DNAH9: variants seen among roughly 807,000 people sequenced by gnomAD.
The protein encoded by DNAH9 is DNAH9 variant protein.
DNAH9 carries 345 observed loss-of-function variants against 471.6 expected under a neutral mutation model. That is an observed-to-expected ratio of 0.73 (90% confidence interval 0.67 to 0.80). DNAH9 has a LOEUF of 0.80. DNAH9 is among the 30% of genes least tolerant of loss of function. The pLI, the probability that DNAH9 is intolerant of heterozygous loss-of-function variation, is 0.00. For synonymous variants in DNAH9, 2,093 were observed against 2,123.6 expected (o/e 0.99, Z 0.40); for missense variants, 5,407 against 5,609.2 (o/e 0.96, Z 1.15).
chr17:11,767,706 G>A (rs1214232620), intron 36 of DNAH9, among the ~76,000 whole-genome samples: 1 of 151,936 alleles, frequency 6.6e-6, no homozygotes, highest in Non-Finnish European at 1.5e-5. Context: ...CTGAGTGTGT[G>A]TGTGTGTGTT....
At chr17:11,681,335 C>A (rs1031123924) in intron 19 of DNAH9, among the ~76,000 whole-genome samples, 1 of 152,166 alleles carries the variant, frequency 6.6e-6, no homozygotes, top group Non-Finnish European at 1.5e-5. Context: ...CAGGGGGTTT[C>A]TCTCTGCTTG....
At chr17:11,814,303 A>C (rs1031419904) in intron 45 of DNAH9, among the ~76,000 whole-genome samples, 1 of 152,202 alleles carries the variant, frequency 6.6e-6, no homozygotes, top group Admixed American at 6.5e-5. Flanking sequence ...GCCTTCCAGA[A>C]GGCCCATTTT....
intron 60 of DNAH9, among the ~76,000 whole-genome samples, chr17:11,905,105 G>GCA (rs1973546066): frequency 1.3e-5 from 2 of 151,648 alleles, no homozygotes; most frequent in Admixed American, 1.3e-4. Flanking sequence ...GTGGTGGCAG[G>GCA]CGCCTGTAGT....
Position 11,727,941 on chromosome 17 carries a change from T to G in DNAH9, c.5814+19T>G. The G allele has an allele frequency of 6.5e-7, 1 of 1,533,324 alleles. No homozygotes were observed. The highest frequency in any genetic ancestry group is 2.2e-5 in the East Asian group (1 of 44,474). 95.0% of individuals were successfully genotyped at this position (1,533,324 alleles called of 1,614,324 possible). A position where few individuals can be genotyped will look rare whatever the true frequency, so the allele number is the denominator to read the frequency against. On this transcript the variant is annotated intron_variant, in intron 28 of 68. Transcript: ENST00000262442. Reference sequence around the variant, plus strand: ...AGTGCAGGTAAGGGCCAGAAGTTGGTGGGAGCCTTGTGGTCTTCATATTGA... The same window carrying G: ...AGTGCAGGTAAGGGCCAGAAGTTGGGGGGAGCCTTGTGGTCTTCATATTGA...
At chr17:11,694,869 C>CTTCT (rs1318402018) in intron 22 of DNAH9, among the ~76,000 whole-genome samples, 42 of 282 alleles carry the variant, frequency 0.15, 21 homozygotes, top group Admixed American at 0.22. Context: ...TCCTTCCTTC[C>CTTCT]TTCTTTCTTT....
chr17:11,606,967 G>T (rs528222840), intron 1 of DNAH9, among the ~76,000 whole-genome samples: 1 of 152,246 alleles, frequency 6.6e-6, no homozygotes, highest in African/African-American at 2.4e-5. Context: ...ACTCTCACTG[G>T]CTCAGATTTG....
chr17:11,903,968 T>C (rs1206547953), intron 60 of DNAH9, among the ~76,000 whole-genome samples: 1 of 152,052 alleles, frequency 6.6e-6, no homozygotes, highest in Admixed American at 6.6e-5. Context: ...CTGAAATTCC[T>C]CCATTCGTAG....
At chr17:11,822,751 C>T in intron 47 of DNAH9, 50 bp from the exon 48 acceptor site, 3 of 1,604,464 alleles carry the variant, frequency 1.9e-6, no homozygotes, top group Non-Finnish European at 2.6e-6. Context: ...GCAGTTGCCT[C>T]CAATCTTCAA....
At chr17:11,722,311 G>T (rs946987580) in intron 27 of DNAH9, among the ~76,000 whole-genome samples, 1 of 152,176 alleles carries the variant, frequency 6.6e-6, no homozygotes, top group African/African-American at 2.4e-5. Flanking sequence ...ACCTTGAAGT[G>T]GGGGATGCAG....
chr17:11,807,627 G>A (rs1969738554), intron 43 of DNAH9, 105 bp from the exon 44 acceptor site: 3 of 1,242,104 alleles, frequency 2.4e-6, no homozygotes, highest in Admixed American at 4.3e-5. Flanking sequence ...CTCAGCCTGT[G>A]ACGTGCCTCC....
chr17:11,655,183 C>A (rs191144487), intron 14 of DNAH9, among the ~76,000 whole-genome samples: 23 of 152,224 alleles, frequency 1.5e-4, no homozygotes, highest in Admixed American at 4.6e-4. Context: ...TTGTATCCTC[C>A]TTATGCCTTT....
At position 11,894,456 on chromosome 17, in the gene DNAH9, C is replaced by T. The variant is rs771684545; in HGVS notation, c.11366C>T (p.Pro3789Leu). The T allele has an allele frequency of 1.9e-5, 30 of 1,614,042 alleles. No individual in the cohort carries two copies. Among genetic ancestry groups the T allele is most frequent in the Non-Finnish European group, 2.3e-5 (27 of 1,180,026 alleles). Residue 3789 changes from proline to leucine, a missense_variant, in exon 59 of 69, where the codon CCC (proline) becomes CTC (leucine). Pro to Leu is a moderately conservative substitution (Grantham distance 98, BLOSUM62 -3). This residue lies in a region of DNAH9 where 4,636 missense variants were observed against 4,900.3 expected (regional missense o/e 0.95). Coordinates refer to ENST00000262442, the MANE Select transcript of DNAH9 (RefSeq NM_001372.4). ...RSPVQTGTASPVEFLSHQAWG... is the reference protein window; with the variant it reads ...RSPVQTGTASLVEFLSHQAWG... ...CCAGTGCAGACGGGCACCGCCAGCCCCGTGGAGTTCCTCTCCCATCAGGCG... is the reference window on the plus strand; with the variant it reads ...CCAGTGCAGACGGGCACCGCCAGCCTCGTGGAGTTCCTCTCCCATCAGGCG...
chr17:11,778,826 G>A (rs2150891700), intron 38 of DNAH9, among the ~76,000 whole-genome samples: 1 of 152,126 alleles, frequency 6.6e-6, no homozygotes, highest in East Asian at 1.9e-4. Context: ...AAGCAACATG[G>A]AGAAACCCCA....
intron 49 of DNAH9, among the ~76,000 whole-genome samples, chr17:11,853,530 T>C (rs756011420): frequency 5.3e-5 from 8 of 152,198 alleles, no homozygotes; most frequent in Non-Finnish European, 8.8e-5. Flanking sequence ...AAATGCTGTT[T>C]TGCTATCAGG....
intron 38 of DNAH9, among the ~76,000 whole-genome samples, chr17:11,775,075 T>C (rs912238974): frequency 1.3e-5 from 2 of 152,170 alleles, no homozygotes; most frequent in Admixed American, 6.5e-5. Flanking sequence ...TTTCTATCAC[T>C]ATAAATTAGT....
intron 26 of DNAH9, among the ~76,000 whole-genome samples, chr17:11,709,179 C>T (rs901398651): frequency 3.3e-5 from 5 of 152,256 alleles, no homozygotes; most frequent in Admixed American, 3.3e-4. Flanking sequence ...TTCGACAATG[C>T]ATTATTTCTG....
intron 49 of DNAH9, among the ~76,000 whole-genome samples, chr17:11,842,069 G>A (rs1412595363): frequency 4.6e-5 from 7 of 151,660 alleles, no homozygotes; most frequent in Non-Finnish European, 1.0e-4. Context: ...TCTGTTATTT[G>A]TCCTCTAACT....
chr17:11,829,415 T>C (rs73980510), intron 48 of DNAH9, among the ~76,000 whole-genome samples: 3,659 of 152,336 alleles, frequency 0.024, 162 homozygotes, highest in African/African-American at 0.084. Context: ...GTAATAATGA[T>C]GAAAATTAAC....
At chr17:11,718,733 A>G (rs1268333235) in intron 26 of DNAH9, among the ~76,000 whole-genome samples, 2 of 152,218 alleles carry the variant, frequency 1.3e-5, no homozygotes, top group Non-Finnish European at 2.9e-5. Context: ...ATATAGCCCT[A>G]CCTTCATGAA....
Sources: allele counts gnomAD v4.1 joint callset (sites outside exome capture counted in the v4.1 genomes callset), GRCh38; gene constraint gnomAD v4.1.1; regional missense constraint gnomAD v4.1.1; transcripts MANE v1.5; gene names NCBI Gene and HGNC (gene_info 2026-07-23, HGNC 2026-07-21).